The following KLHDC4 variants were observed in gnomAD, a reference collection of about 807,000 sequenced individuals.
The protein encoded by KLHDC4 is kelch domain-containing protein 4.
In KLHDC4, 90 loss-of-function variants were observed where a neutral mutation model predicts 62.4. The ratio of observed to expected loss-of-function variants is 1.44; its 90% CI spans 1.22 to 1.72. The LOEUF (loss-of-function observed/expected upper bound fraction) is 1.72, where lower values mean the gene tolerates loss of function less well. KLHDC4 is among the 40% of genes most tolerant of loss of function. The pLI is 0.00. For synonymous variants in KLHDC4, 386 were observed against 284.4 expected (o/e 1.36, Z -3.59); for missense variants, 1,025 against 699.7 (o/e 1.47, Z -5.25).
At chr16:87,731,896 T>A (rs1055750526) in intron 5 of KLHDC4, among the ~76,000 whole-genome samples, 3 of 152,146 alleles carry the variant, frequency 2.0e-5, no homozygotes, top group African/African-American at 7.2e-5. Flanking sequence ...CACAGCAATG[T>A]GAATGAATCT....
intron 5 of KLHDC4, among the ~76,000 whole-genome samples, chr16:87,748,034 G>A (rs537257496): frequency 2.8e-4 from 43 of 152,332 alleles, no homozygotes; most frequent in African/African-American, 9.9e-4. Flanking sequence ...ACTTCAGTCT[G>A]TCATTCGACT....
intron 8 of KLHDC4, 90 bp from the exon 9 acceptor site, chr16:87,711,533 C>T (rs2035835163): frequency 1.8e-6 from 2 of 1,125,816 alleles, no homozygotes; most frequent in Admixed American, 5.4e-5. Context: ...CAGGTGCCCC[C>T]CAGAATGGGG....
intron 4 of KLHDC4, 58 bp downstream of exon 4, chr16:87,755,136 T>C: frequency 5.1e-6 from 6 of 1,186,038 alleles, no homozygotes; most frequent in Non-Finnish European, 7.5e-6. Flanking sequence ...TCTCCGTGTG[T>C]CTACCAGACT....
At chr16:87,745,058 A>G (rs74878354) in intron 5 of KLHDC4, among the ~76,000 whole-genome samples, 1 of 152,216 alleles carries the variant, frequency 6.6e-6, no homozygotes. Flanking sequence ...TTTTTTGTAT[A>G]TATTTTTGTA....
At chr16:87,704,187 A>G (rs2034372484), downstream of KLHDC4, among the ~76,000 whole-genome samples, 1 of 152,254 alleles carries the variant, frequency 6.6e-6, no homozygotes, top group Non-Finnish European at 1.5e-5. Flanking sequence ...TGCCACGTCC[A>G]GCGCGGGGTC....
Position 87,747,251 on chromosome 16 carries a change from T to C in KLHDC4, c.506+1422A>G, listed in dbSNP as rs1024258568. ...TGGGTGCTGGGTTAGCCGCATTCTA[T>C]CACAGAGACTTCACTCTCCTCACCT... is the stretch of plus-strand genomic sequence containing the variant. On this transcript the variant is annotated intron_variant, in intron 5 of 11. Transcript: ENST00000270583. 5.3e-5 allele frequency among the ~76,000 whole-genome samples: 8 copies of C among 151,914 alleles called. No homozygotes were observed. In the East Asian group the frequency reaches 1.5e-3, roughly 29 times the overall value.
At chr16:87,707,216 G>A (rs1212576917), downstream of KLHDC4, among the ~76,000 whole-genome samples, 2 of 152,228 alleles carry the variant, frequency 1.3e-5, no homozygotes, top group East Asian at 1.9e-4. Context: ...ACAGCCTTCG[G>A]GGGCAAGGAG....
chr16:87,762,161 C>A, intron 1 of KLHDC4, 121 bp from the exon 2 acceptor site: 2 of 1,511,236 alleles, frequency 1.3e-6, no homozygotes, highest in East Asian at 2.3e-5. Flanking sequence ...CTGTGAATTG[C>A]AACATACTGT....
exon 1 of KLHDC4, chr16:87,701,760 A>G (rs754014520): frequency 8.8e-6 from 4 of 456,602 alleles, no homozygotes; most frequent in South Asian, 3.1e-5. Context: ...CGTCCTCCCA[A>G]GCGTGCACAC....
chr16:87,738,108 G>A lies in KLHDC4; in HGVS notation c.507-7464C>T, dbSNP rs558144869. On this transcript the variant is annotated intron_variant, in intron 5 of 11. Coordinates refer to ENST00000270583, the MANE Select transcript of KLHDC4 (RefSeq NM_017566.4). ...ATGCAACCCAACCCACCACCCAGAG[G>A]GCAGAGCAGGGTGTGTCCATTCCTA... 2.6e-5 allele frequency among the ~76,000 whole-genome samples: 4 copies of A among 152,246 alleles called. No individual in the cohort carries two copies. In the Middle Eastern group the frequency reaches 0.014, roughly 518 times the overall value.
chr16:87,736,301 G>A (rs2041296885), intron 5 of KLHDC4, among the ~76,000 whole-genome samples: 1 of 152,218 alleles, frequency 6.6e-6, no homozygotes, highest in Non-Finnish European at 1.5e-5. Flanking sequence ...TAAAAACACA[G>A]TCTGATCATC....
downstream of KLHDC4, among the ~76,000 whole-genome samples, chr16:87,704,066 TC>T (rs904476028): frequency 1.1e-4 from 17 of 152,212 alleles, no homozygotes; most frequent in Non-Finnish European, 2.9e-5. Flanking sequence ...CGGCTCCTTT[TC>T]CTTCCGGGCT....
At chr16:87,708,236 A>C in intron 11 of KLHDC4, 114 bp downstream of exon 11, 1 of 718,898 alleles carries the variant, frequency 1.4e-6, no homozygotes, top group Non-Finnish European at 2.3e-6. Flanking sequence ...TACTCCACAC[A>C]CCAACGTTTT....
chr16:87,763,920 C>T (rs1355602626), intron 1 of KLHDC4, among the ~76,000 whole-genome samples: 1 of 152,170 alleles, frequency 6.6e-6, no homozygotes, highest in Non-Finnish European at 1.5e-5. Flanking sequence ...ATAGGTAAGA[C>T]CACAGACACA....
intron 5 of KLHDC4, among the ~76,000 whole-genome samples, chr16:87,739,597 C>G (rs898059185): frequency 1.4e-5 from 2 of 145,106 alleles, no homozygotes; most frequent in South Asian, 4.6e-4. Context: ...CACACCAGCA[C>G]GTCATCCATC....
chr16:87,733,436 G>C (rs1364501896), intron 5 of KLHDC4, among the ~76,000 whole-genome samples: 1 of 152,230 alleles, frequency 6.6e-6, no homozygotes, highest in African/African-American at 2.4e-5. Context: ...CACAGGAATG[G>C]CTTTGGGCTG....
chr16:87,713,402 T>G (rs1199334563), intron 8 of KLHDC4, among the ~76,000 whole-genome samples: 1 of 151,340 alleles, frequency 6.6e-6, no homozygotes, highest in Non-Finnish European at 1.5e-5. Context: ...GTCACTATGT[T>G]GCCCAGGCTG....
chr16:87,728,662 T>G (rs1015397256), intron 6 of KLHDC4, among the ~76,000 whole-genome samples: 3 of 152,130 alleles, frequency 2.0e-5, no homozygotes, highest in Non-Finnish European at 2.9e-5. Context: ...ATTCTGACAA[T>G]TATTTGTTTT....
chr16:87,737,520 G>C (rs867590733), intron 5 of KLHDC4, among the ~76,000 whole-genome samples: 1 of 151,310 alleles, frequency 6.6e-6, no homozygotes, highest in Non-Finnish European at 1.5e-5. Flanking sequence ...CTCAGGAGGC[G>C]GAGGTTGCCG....
Sources: allele counts gnomAD v4.1 joint callset (sites outside exome capture counted in the v4.1 genomes callset), GRCh38; gene constraint gnomAD v4.1.1; transcripts MANE v1.5; gene names NCBI Gene and HGNC (gene_info 2026-07-23, HGNC 2026-07-21).